NUP62CL: variants seen among roughly 807,000 people sequenced by gnomAD.
NUP62CL encodes the protein nucleoporin 62 C-terminal like, also known as nucleoporin-62 C-terminal-like protein.
In NUP62CL, 13 loss-of-function variants were observed where a neutral mutation model predicts 15.3. That is an observed-to-expected ratio of 0.85 (90% confidence interval 0.55 to 1.35). The LOEUF is 1.35. NUP62CL is among the 40% of genes most tolerant of loss of function. NUP62CL has a pLI of 0.00. For missense variants in NUP62CL, 123 were observed against 130.6 expected (o/e 0.94, Z 0.28); for synonymous variants, 54 against 49.2 (o/e 1.10, Z -0.41).
At chrX:107,194,498 A>T (rs1927314335) in intron 1 of NUP62CL, among the ~76,000 whole-genome samples, 1 of 111,835 alleles carries the variant, frequency 8.9e-6, no homozygotes, top group Middle Eastern at 4.6e-3. Flanking sequence ...AGTCAAAATT[A>T]ATAAAATGAG....
intron 8 of NUP62CL, among the ~76,000 whole-genome samples, chrX:107,128,592 T>C (rs779191390): frequency 1.8e-5 from 2 of 111,962 alleles, no homozygotes; most frequent in African/African-American, 6.5e-5. Context: ...TACTACATTA[T>C]GTAGAACACA....
intron 1 of NUP62CL, among the ~76,000 whole-genome samples, chrX:107,204,350 T>C (rs1393276783): frequency 1.8e-5 from 2 of 111,442 alleles, no homozygotes; most frequent in Non-Finnish European, 3.8e-5. Context: ...ACCTCTAAGC[T>C]TCTGTATTTC....
In NUP62CL at chrX:107,136,453, C is replaced by T. The variant is rs182263146; in HGVS notation, c.*42+11290G>A. Among the ~76,000 whole-genome samples, 129 of 111,707 alleles carry T rather than the reference C, an allele frequency of 1.2e-3. 1 individual carries two copies. In the Admixed American group the frequency reaches 0.012, roughly 10 times the overall value. The stretch of plus-strand genomic sequence containing the variant: ...TAAAAGCTCTCAAAAACAAAATATC[C>T]AGGCCCAGATAACTTTACTGGAAAA... On this transcript the variant is annotated intron_variant, in intron 8 of 8. Coordinates refer to ENST00000372466, the MANE Select transcript of NUP62CL (RefSeq NM_017681.3).
rs1254070694 is a variant in NUP62CL at position 107,123,503 on chromosome X, C to T, written c.*872G>A. ...TTTAGGACATTACCTTTATTTATGA[C>T]TTAGGTGAAACATGAAACACAGGAG... On this transcript the variant is annotated 3_prime_UTR_variant, in exon 9 of 9. Coordinates refer to ENST00000372466, the MANE Select transcript of NUP62CL (RefSeq NM_017681.3). The T allele has an allele frequency of 9.1e-6, 1 of 109,712 alleles. No individual in the cohort carries two copies. The highest frequency in any genetic ancestry group is 1.9e-5 in the Non-Finnish European group (1 of 52,645). 9.0% of individuals were successfully genotyped at this position (109,712 alleles called of 1,213,427 possible).
chrX:107,162,208 C>G (rs1926403641), intron 4 of NUP62CL, among the ~76,000 whole-genome samples: 1 of 109,531 alleles, frequency 9.1e-6, no homozygotes, highest in Non-Finnish European at 1.9e-5. Context: ...TTCGCAGAAA[C>G]AAATGAAAAA....
intron 3 of NUP62CL, among the ~76,000 whole-genome samples, chrX:107,168,499 T>C (rs1000791206): frequency 8.9e-6 from 1 of 111,785 alleles, no homozygotes; most frequent in Non-Finnish European, 1.9e-5. Flanking sequence ...CTTCATGGCT[T>C]GACTCAAATT....
chrX:107,131,170 T>A (rs1438044458), intron 8 of NUP62CL, among the ~76,000 whole-genome samples: 1 of 111,223 alleles, frequency 9.0e-6, no homozygotes, highest in Non-Finnish European at 1.9e-5. Context: ...CTGAAAAAAA[T>A]TATATTTTCA....
At position 107,186,399 on chromosome X, in the gene NUP62CL, A is replaced by AT. The variant is rs768698891; in HGVS notation, c.-48+6629dup. Among the ~76,000 whole-genome samples the AT allele has an allele frequency of 1.3e-4, 14 of 111,757 alleles. No individual in the cohort carries two copies. The South Asian group carries it at 5.2e-3, about 42-fold the overall frequency. On this transcript the variant is annotated intron_variant, in intron 2 of 8. Coordinates refer to ENST00000372466, the MANE Select transcript of NUP62CL (RefSeq NM_017681.3). Reference sequence around the variant, plus strand: ...TAGCCATCATCTTACATAATTATCCATTTTTTTGTGTAACAGCAAAAATCT... The same window carrying AT: ...TAGCCATCATCTTACATAATTATCCATTTTTTTTGTGTAACAGCAAAAATCT...
intron 7 of NUP62CL, among the ~76,000 whole-genome samples, chrX:107,150,207 A>G (rs998685127): frequency 4.5e-5 from 5 of 112,313 alleles, no homozygotes; most frequent in East Asian, 2.8e-4. Context: ...TAACACTTAT[A>G]TAAGTATGTA....
chrX:107,185,996 T>C (rs764502829), intron 2 of NUP62CL, among the ~76,000 whole-genome samples: 1 of 111,823 alleles, frequency 8.9e-6, no homozygotes, highest in Admixed American at 9.5e-5. Context: ...ATATTTACAA[T>C]GATAAGAGGG....
At chrX:107,157,242 G>C (rs1459788056) in intron 4 of NUP62CL, among the ~76,000 whole-genome samples, 1 of 106,298 alleles carries the variant, frequency 9.4e-6, no homozygotes, top group East Asian at 3.0e-4. Context: ...AATCTAGCAA[G>C]GCAGGCCAAC....
At chrX:107,133,794 C>T (rs1208179378) in intron 8 of NUP62CL, among the ~76,000 whole-genome samples, 3 of 111,807 alleles carry the variant, frequency 2.7e-5, no homozygotes, top group African/African-American at 9.8e-5. Context: ...AAAAATTATC[C>T]AGGTATGGTG....
chrX:107,202,681 TAAAAAAAAAAAAA>T (rs765528970), intron 1 of NUP62CL: 3 of 73,014 alleles, frequency 4.1e-5, no homozygotes, highest in African/African-American at 1.6e-4. Flanking sequence ...TTGACTGTCT[TAAAAAAAAAAAAA>T]AAAAAAAAAG....
intron 4 of NUP62CL, among the ~76,000 whole-genome samples, chrX:107,161,676 G>T (rs200613223): frequency 3.2e-4 from 22 of 69,463 alleles, no homozygotes; most frequent in Non-Finnish European, 3.7e-4. Flanking sequence ...CCTAATGCTA[G>T]ATGATGAGTT....
At chrX:107,132,537 T>A (rs1432159477) in intron 8 of NUP62CL, among the ~76,000 whole-genome samples, 4 of 111,493 alleles carry the variant, frequency 3.6e-5, no homozygotes, top group Non-Finnish European at 3.8e-5. Flanking sequence ...GGTGGGAGGA[T>A]CACTTGGACC....
intron 3 of NUP62CL, among the ~76,000 whole-genome samples, chrX:107,174,196 G>A (rs185878262): frequency 1.0e-5 from 1 of 97,877 alleles, no homozygotes; most frequent in Admixed American, 1.2e-4. Context: ...CCGTCACCCA[G>A]GCTGGAGTGC....
At chrX:107,170,193 A>G (rs1926615257) in intron 3 of NUP62CL, among the ~76,000 whole-genome samples, 2 of 111,154 alleles carry the variant, frequency 1.8e-5, no homozygotes, top group African/African-American at 6.5e-5. Flanking sequence ...AGGAAACAGC[A>G]AATTCTAAGA....
intron 4 of NUP62CL, among the ~76,000 whole-genome samples, chrX:107,161,425 A>G (rs1209882939): frequency 1.1e-5 from 1 of 91,884 alleles, no homozygotes; most frequent in Non-Finnish European, 2.1e-5. Flanking sequence ...AATGTGGCAC[A>G]TATACACCAT....
At chrX:107,161,715 C>G (rs902139191) in intron 4 of NUP62CL, among the ~76,000 whole-genome samples, 1 of 90,033 alleles carries the variant, frequency 1.1e-5, no homozygotes, top group African/African-American at 4.3e-5. Context: ...GCATGGCACA[C>G]GTATACATAT....
Sources: gnomAD v4.1 joint callset for allele counts (sites outside exome capture counted in the v4.1 genomes callset) on GRCh38, gnomAD v4.1.1 for gene constraint, MANE v1.5 for transcripts, NCBI Gene and HGNC (gene_info 2026-07-23, HGNC 2026-07-21) for gene names.